PAPOLA: variants seen among roughly 807,000 people sequenced by gnomAD.
The protein encoded by PAPOLA is polynucleotide adenylyltransferase alpha.
Under a neutral mutation model 100.6 loss-of-function variants are expected in PAPOLA, and 15 were observed. The observed-to-expected ratio is 0.15, with a 90% CI of 0.10 to 0.23. The LOEUF is 0.23. Among genes scored for constraint, PAPOLA ranks in the 10% least tolerant of loss-of-function variants. The probability of loss-of-function intolerance (pLI) is 1.00; values close to 1 mark genes in which losing one functional copy is unlikely to be tolerated. For synonymous variants in PAPOLA, 293 were observed against 300.0 expected (o/e 0.98, Z 0.24); for missense variants, 533 against 884.2 (o/e 0.60, Z 5.04).
intron 12 of PAPOLA, 114 bp from the exon 13 acceptor site, chr14:96,542,129 C>A (rs988054866): frequency 3.5e-6 from 2 of 567,498 alleles, no homozygotes; most frequent in African/African-American, 3.8e-5. Context: ...TTGTAGTCCC[C>A]CTTGCTAAAT....
At chr14:96,552,350 C>A in intron 16 of PAPOLA, 130 bp from the exon 17 acceptor site, 1 of 811,248 alleles carries the variant, frequency 1.2e-6, no homozygotes, top group Non-Finnish European at 1.9e-6. Flanking sequence ...CAGCATGGCA[C>A]ATCTAACTTT....
chr14:96,506,518 G>A (rs1438318148), intron 1 of PAPOLA, among the ~76,000 whole-genome samples: 1 of 152,088 alleles, frequency 6.6e-6, no homozygotes, highest in African/African-American at 2.4e-5. Flanking sequence ...TCACTCCAAG[G>A]TAAACAACTG....
chr14:96,507,870 G>GT (rs906278987), intron 1 of PAPOLA, among the ~76,000 whole-genome samples: 6 of 151,884 alleles, frequency 4.0e-5, no homozygotes, highest in East Asian at 1.9e-4. Context: ...CACCTCTGGT[G>GT]TTTTTTTGTT....
rs748715578 is a variant in PAPOLA, at chr14:96,555,831, ATTT to A, written c.1665-5_1665-3del. On this transcript the variant is annotated splice_polypyrimidine_tract_variant and intron_variant, in intron 17 of 21. Coordinates refer to ENST00000216277, the MANE Select transcript of PAPOLA (RefSeq NM_032632.5). ...TTTTTAAATTTTGAGACAATTTTTA[ATTT>A]TTTTTTTTTTAGCAGAAACAGTCCT... 2.1e-5 allele frequency: 22 copies of A among 1,061,100 alleles called. No homozygotes were observed. Among genetic ancestry groups the A allele is most frequent in the South Asian group, 7.5e-5 (4 of 53,570 alleles). 65.7% of individuals were successfully genotyped at this position (1,061,100 alleles called of 1,614,324 possible).
intron 16 of PAPOLA, 143 bp downstream of exon 16, chr14:96,548,061 T>A: frequency 1.4e-6 from 1 of 696,260 alleles, no homozygotes; most frequent in South Asian, 2.0e-5. Flanking sequence ...ATGGAGCAGT[T>A]TCATTATGTG....
intron 1 of PAPOLA, among the ~76,000 whole-genome samples, chr14:96,506,834 T>G (rs1219197164): frequency 6.6e-6 from 1 of 152,236 alleles, no homozygotes; most frequent in Non-Finnish European, 1.5e-5. Context: ...AAACCAGATT[T>G]TAATGCAACA....
intron 7 of PAPOLA, 66 bp from the exon 8 acceptor site, chr14:96,532,265 T>TG: frequency 6.7e-7 from 1 of 1,495,608 alleles, no homozygotes. Flanking sequence ...AATGTTGTTT[T>TG]TTTTTGTTTT....
At chr14:96,508,973 C>A (rs1308591032) in intron 1 of PAPOLA, among the ~76,000 whole-genome samples, 1 of 152,172 alleles carries the variant, frequency 6.6e-6, no homozygotes, top group African/African-American at 2.4e-5. Flanking sequence ...CATTGTCATT[C>A]CAGTACACTA....
intron 17 of PAPOLA, among the ~76,000 whole-genome samples, chr14:96,555,025 A>T (rs1046944542): frequency 5.3e-5 from 8 of 151,980 alleles, no homozygotes; most frequent in Admixed American, 2.6e-4. Context: ...TGAGAGAGAA[A>T]CTTCGGGGGA....
intron 1 of PAPOLA, among the ~76,000 whole-genome samples, chr14:96,514,859 A>G (rs967996148): frequency 2.0e-5 from 3 of 152,234 alleles, no homozygotes; most frequent in Non-Finnish European, 2.9e-5. Context: ...TAATATAACT[A>G]GTGGCAGAAT....
At chr14:96,511,357 T>A (rs955997985) in intron 1 of PAPOLA, among the ~76,000 whole-genome samples, 3 of 152,150 alleles carry the variant, frequency 2.0e-5, no homozygotes, top group African/African-American at 7.2e-5. Context: ...GCCCAGGCGT[T>A]CGACACCAGC....
intron 4 of PAPOLA, 84 bp downstream of exon 4, chr14:96,525,475 A>G (rs1898382543): frequency 4.9e-6 from 3 of 617,374 alleles, no homozygotes; most frequent in Admixed American, 3.4e-5. Context: ...CTTGTGTATC[A>G]TATAGCTTAG....
At chr14:96,529,535 A>T (rs986396058) in intron 6 of PAPOLA, among the ~76,000 whole-genome samples, 8 of 150,214 alleles carry the variant, frequency 5.3e-5, no homozygotes, top group Admixed American at 5.3e-4. Flanking sequence ...GTCCTGGCCA[A>T]CACGTTGAAA....
At chr14:96,520,683 A>T (rs1483523319) in intron 2 of PAPOLA, among the ~76,000 whole-genome samples, 1 of 152,054 alleles carries the variant, frequency 6.6e-6, no homozygotes, top group Non-Finnish European at 1.5e-5. Context: ...TTCTACATAG[A>T]GTTCTCTTCC....
chr14:96,506,938 G>C (rs781026277), intron 1 of PAPOLA, among the ~76,000 whole-genome samples: 2 of 152,134 alleles, frequency 1.3e-5, no homozygotes, highest in Non-Finnish European at 2.9e-5. Flanking sequence ...TAGTATCAAA[G>C]AAGACTACTC....
At chr14:96,514,675 T>C (rs1407318486) in intron 1 of PAPOLA, among the ~76,000 whole-genome samples, 1 of 152,252 alleles carries the variant, frequency 6.6e-6, no homozygotes, top group Non-Finnish European at 1.5e-5. Flanking sequence ...TTGACAGCCC[T>C]GCATGGGGAA....
At chr14:96,550,244 T>C (rs891866850) in intron 16 of PAPOLA, among the ~76,000 whole-genome samples, 2 of 152,234 alleles carry the variant, frequency 1.3e-5, no homozygotes, top group African/African-American at 2.4e-5. Flanking sequence ...CTATTTCTTA[T>C]GAATATTTAA....
chr14:96,520,318 G>A, intron 2 of PAPOLA, 90 bp downstream of exon 2: 1 of 943,664 alleles, frequency 1.1e-6, no homozygotes, highest in South Asian at 1.7e-5. Context: ...TTACTTAGAA[G>A]ACCAGGGTTA....
chr14:96,503,716 C>G (rs138280226), intron 1 of PAPOLA, among the ~76,000 whole-genome samples: 5 of 151,990 alleles, frequency 3.3e-5, no homozygotes, highest in African/African-American at 1.2e-4. Context: ...TTTGTGGTTT[C>G]TAGACATCGA....
Sources: gnomAD v4.1 joint callset for allele counts (sites outside exome capture counted in the v4.1 genomes callset) on GRCh38, gnomAD v4.1.1 for gene constraint, MANE v1.5 for transcripts, NCBI Gene and HGNC (gene_info 2026-07-23, HGNC 2026-07-21) for gene names.